ERC2: variants seen among roughly 807,000 people sequenced by gnomAD.
ERC2 encodes ERC protein 2.
ERC2 carries 42 observed loss-of-function variants against 114.8 expected under a neutral mutation model. The ratio of observed to expected loss-of-function variants is 0.37; its 90% CI spans 0.29 to 0.47. The LOEUF is 0.47. ERC2 is among the 20% of genes least tolerant of loss of function. The pLI is 0.99. For synonymous variants in ERC2, 454 were observed against 425.5 expected, an observed-to-expected ratio of 1.07 and a Z score of -0.82; for missense variants, 939 against 1,150.7, an observed-to-expected ratio of 0.82 and a Z score of 2.66.
Position 56,362,115 on chromosome 3 carries a change from C to G in ERC2, c.658-65680G>C, listed in dbSNP as rs568083469. 3.3e-5 allele frequency among the ~76,000 whole-genome samples: 5 copies of G among 152,198 alleles called. No homozygotes were observed. The South Asian group carries it at 1.0e-3, about 32-fold the overall frequency. The stretch of plus-strand genomic sequence containing the variant: ...GGTAAGACAAGGTAGAGAATGAACA[C>G]TATATCTCCTGCTAAATGAAAGGAA... On this transcript the variant is annotated intron_variant, in intron 2 of 17. Coordinates refer to ENST00000288221, the MANE Select transcript of ERC2 (RefSeq NM_015576.3).
intron 17 of ERC2, among the ~76,000 whole-genome samples, chr3:55,558,671 G>GA (rs2055794984): frequency 6.6e-6 from 1 of 152,168 alleles, no homozygotes; most frequent in Non-Finnish European, 1.5e-5. Context: ...TGTGAGTGTG[G>GA]CCTTTGGCCC....
chr3:55,613,157 T>A (rs897867503), intron 17 of ERC2: 1 of 152,194 alleles, frequency 6.6e-6, no homozygotes. Flanking sequence ...TCTAAGATGG[T>A]CAGAACCTAG....
chr3:56,112,827 G>A (rs1246102572), intron 6 of ERC2, among the ~76,000 whole-genome samples: 1 of 152,080 alleles, frequency 6.6e-6, no homozygotes, highest in African/African-American at 2.4e-5. Flanking sequence ...TCCACCGGGA[G>A]GTCAACACCA....
Position 55,791,402 on chromosome 3 carries a change from A to G in ERC2, c.2565-56484T>C, listed in dbSNP as rs989903568. ...TGTGGAGATATGTATGTGTGTATATATAAGTATATATATATAAAACAGCAG... is the reference window on the plus strand; with the variant it reads ...TGTGGAGATATGTATGTGTGTATATGTAAGTATATATATATAAAACAGCAG... On this transcript the variant is annotated intron_variant, in intron 14 of 17. Coordinates refer to ENST00000288221, the MANE Select transcript of ERC2 (RefSeq NM_015576.3). 3.9e-5 allele frequency among the ~76,000 whole-genome samples: 6 copies of G among 152,306 alleles called. No homozygotes were observed. In the South Asian group the frequency reaches 8.3e-4, roughly 21 times the overall value.
intron 17 of ERC2, among the ~76,000 whole-genome samples, chr3:55,570,589 G>A (rs565921152): frequency 1.3e-5 from 2 of 152,234 alleles, no homozygotes; most frequent in East Asian, 3.9e-4. Context: ...GGGTTCTGAC[G>A]ATATTCTCTA....
chr3:56,411,319 C>T (rs971168221), intron 2 of ERC2, among the ~76,000 whole-genome samples: 14 of 151,698 alleles, frequency 9.2e-5, no homozygotes, highest in Admixed American at 9.2e-4. Flanking sequence ...CCTCTGCCAC[C>T]TTCCATCTGC....
At chr3:55,748,637 A>G (rs927111806) in intron 14 of ERC2, among the ~76,000 whole-genome samples, 6 of 152,176 alleles carry the variant, frequency 3.9e-5, no homozygotes, top group Admixed American at 3.9e-4. Context: ...CTGTTTCCCA[A>G]TTCAAATGCT....
chr3:55,589,869 TG>T (rs1485873057), intron 17 of ERC2, among the ~76,000 whole-genome samples: 1 of 152,002 alleles, frequency 6.6e-6, no homozygotes, highest in Non-Finnish European at 1.5e-5. Context: ...GAGGAGCACA[TG>T]GGGGCAAAAA....
intron 4 of ERC2, among the ~76,000 whole-genome samples, chr3:56,164,379 AG>A (rs1351355870): frequency 2.0e-5 from 3 of 152,180 alleles, no homozygotes; most frequent in African/African-American, 7.2e-5. Flanking sequence ...TCTTCCATTT[AG>A]CATAATGTTT....
At chr3:55,843,401 T>C (rs772875698) in intron 14 of ERC2, among the ~76,000 whole-genome samples, 3 of 152,164 alleles carry the variant, frequency 2.0e-5, no homozygotes, top group Non-Finnish European at 4.4e-5. Flanking sequence ...AACTAATACA[T>C]CAGATCATAT....
chr3:56,175,450 T>C (rs2082925455), intron 3 of ERC2, among the ~76,000 whole-genome samples: 1 of 152,188 alleles, frequency 6.6e-6, no homozygotes, highest in South Asian at 2.1e-4. Context: ...GGCACTGGAC[T>C]GCAATCATCT....
chr3:56,361,211 C>T (rs191350227), intron 2 of ERC2, among the ~76,000 whole-genome samples: 76 of 151,928 alleles, frequency 5.0e-4, no homozygotes, highest in African/African-American at 1.7e-3. Flanking sequence ...TGCACCAGGA[C>T]GGATTAAAGA....
At chr3:55,552,051 G>T (rs1404530422) in intron 17 of ERC2, among the ~76,000 whole-genome samples, 1 of 152,214 alleles carries the variant, frequency 6.6e-6, no homozygotes, top group South Asian at 2.1e-4. Flanking sequence ...CAACTGCAAG[G>T]CATGCCCATA....
intron 13 of ERC2, among the ~76,000 whole-genome samples, chr3:55,949,502 A>T (rs1309496761): frequency 6.6e-6 from 1 of 152,160 alleles, no homozygotes; most frequent in African/African-American, 2.4e-5. Flanking sequence ...AAAGGAAAAA[A>T]AAAATACCTA....
intron 2 of ERC2, among the ~76,000 whole-genome samples, chr3:56,318,961 C>CAAAAA (rs35256298): frequency 2.5e-5 from 2 of 81,592 alleles, no homozygotes; most frequent in African/African-American, 4.9e-5. Flanking sequence ...GACCCTGTCT[C>CAAAAA]AAAAAAAAAA....
intron 7 of ERC2, among the ~76,000 whole-genome samples, chr3:56,055,441 T>A (rs1032480591): frequency 2.0e-5 from 3 of 152,184 alleles, no homozygotes; most frequent in Non-Finnish European, 2.9e-5. Flanking sequence ...GAAAGTGAAA[T>A]GGTTTGATTA....
At chr3:56,169,398 A>G (rs2082501150) in intron 4 of ERC2, among the ~76,000 whole-genome samples, 1 of 152,214 alleles carries the variant, frequency 6.6e-6, no homozygotes, top group Non-Finnish European at 1.5e-5. Context: ...GTTTGGAGTG[A>G]AGCTTTATGT....
At chr3:55,711,057 C>A (rs533688004) in intron 15 of ERC2, among the ~76,000 whole-genome samples, 1 of 152,174 alleles carries the variant, frequency 6.6e-6, no homozygotes, top group African/African-American at 2.4e-5. Context: ...ACAGGCCCGA[C>A]TCATGTCATT....
At chr3:56,200,091 A>G (rs1362311746) in intron 3 of ERC2, among the ~76,000 whole-genome samples, 1 of 152,018 alleles carries the variant, frequency 6.6e-6, no homozygotes, top group East Asian at 1.9e-4. Flanking sequence ...CTATCTCTCA[A>G]GAGTTAGGGT....
Sources: allele counts gnomAD v4.1 joint callset (sites outside exome capture counted in the v4.1 genomes callset), GRCh38; gene constraint gnomAD v4.1.1; transcripts MANE v1.5; gene names NCBI Gene and HGNC (gene_info 2026-07-23, HGNC 2026-07-21).